Variants in OPCML observed in about 807,000 individuals in gnomAD.
OPCML encodes the protein opioid-binding protein/cell adhesion molecule.
In OPCML, 13 loss-of-function variants were observed where a neutral mutation model predicts 37.8. The observed-to-expected ratio is 0.34, with a 90% confidence interval of 0.22 to 0.55. The LOEUF (loss-of-function observed/expected upper bound fraction) is 0.55, where lower values mean the gene tolerates loss of function less well. Among genes scored for constraint, OPCML ranks in the 20% least tolerant of loss-of-function variants. The pLI, the probability that OPCML is intolerant of heterozygous loss-of-function variation, is 0.91. For missense variants in OPCML, 341 were observed against 435.6 expected, an observed-to-expected ratio of 0.78 and a Z score of 1.93; for synonymous variants, 176 against 168.8, an observed-to-expected ratio of 1.04 and a Z score of -0.33.
At chr11:132,793,564 G>A (rs1188491575) in intron 2 of OPCML, among the ~76,000 whole-genome samples, 1 of 152,152 alleles carries the variant, frequency 6.6e-6, no homozygotes, top group African/African-American at 2.4e-5. Context: ...GGGCCAGAGA[G>A]ATACAATCCC....
intron 2 of OPCML, among the ~76,000 whole-genome samples, chr11:132,880,187 A>T (rs1298487984): frequency 6.6e-6 from 1 of 152,208 alleles, no homozygotes; most frequent in African/African-American, 2.4e-5. Flanking sequence ...AGCCAGGAAG[A>T]ACATGAAATT....
intron 3 of OPCML, among the ~76,000 whole-genome samples, chr11:132,638,377 G>C (rs758825396): frequency 6.6e-6 from 1 of 152,012 alleles, no homozygotes; most frequent in Non-Finnish European, 1.5e-5. Context: ...TATGTCAAGA[G>C]AGAATTATAT....
chr11:132,558,495 C>G (rs1490735128), intron 3 of OPCML, among the ~76,000 whole-genome samples: 1 of 116,310 alleles, frequency 8.6e-6, no homozygotes, highest in East Asian at 2.5e-4. Flanking sequence ...CTCCTCCTCC[C>G]CTCCTCCCCC....
intron 2 of OPCML, among the ~76,000 whole-genome samples, chr11:132,919,725 C>A (rs1944726209): frequency 6.6e-6 from 1 of 152,140 alleles, no homozygotes; most frequent in Admixed American, 6.5e-5. Flanking sequence ...TGTCTCCTCA[C>A]CTCGGAATTA....
At chr11:133,475,836 T>C (rs1431847642) in intron 1 of OPCML, among the ~76,000 whole-genome samples, 1 of 152,192 alleles carries the variant, frequency 6.6e-6, no homozygotes, top group Non-Finnish European at 1.5e-5. Flanking sequence ...CCTGAGATCA[T>C]TCCTACGGGA....
intron 4 of OPCML, among the ~76,000 whole-genome samples, chr11:132,471,781 A>G (rs1344634332): frequency 2.0e-5 from 3 of 152,196 alleles, no homozygotes; most frequent in Non-Finnish European, 4.4e-5. Flanking sequence ...AATTTTATTA[A>G]GGATAGCCAC....
At chr11:132,558,069 A>C (rs1287467822) in intron 3 of OPCML, among the ~76,000 whole-genome samples, 2 of 152,002 alleles carry the variant, frequency 1.3e-5, no homozygotes, top group Non-Finnish European at 2.9e-5. Context: ...AGATGCATTG[A>C]AGAGTGGGTA....
At chr11:132,605,374 G>A (rs1938214865) in intron 3 of OPCML, among the ~76,000 whole-genome samples, 1 of 151,462 alleles carries the variant, frequency 6.6e-6, no homozygotes, top group Non-Finnish European at 1.5e-5. Context: ...TGACCAACAT[G>A]GTGAAACCTC....
chr11:132,420,222 G>C lies in OPCML; in HGVS notation c.988C>G (p.Leu330Val). The C allele has an allele frequency of 6.2e-7, 1 of 1,613,924 alleles. No homozygotes were observed. Among genetic ancestry groups the C allele is most frequent in the Non-Finnish European group, 8.5e-7 (1 of 1,179,868 alleles). The change falls in exon 8 of 8, where the codon CTC becomes GTC. Residue 330 changes from leucine to valine, a missense_variant. Coordinates refer to ENST00000524381, the MANE Select transcript of OPCML (RefSeq NM_001012393.5). ...ALACLWLSGTLLAHFFIKF is the reference protein window; with the variant it reads ...ALACLWLSGTVLAHFFIKF ...AACTTGATGAAGAAGTGGGCTAAGA[G>C]GGTCCCTGATAGCCAGAGACAAGCC... is the stretch of plus-strand genomic sequence containing the variant.
chr11:132,846,290 C>G (rs1384756940), intron 2 of OPCML, among the ~76,000 whole-genome samples: 2 of 152,156 alleles, frequency 1.3e-5, no homozygotes, highest in African/African-American at 4.8e-5. Flanking sequence ...CTGAGCGCCC[C>G]CACTCGGGAC....
At chr11:133,221,193 G>C (rs1939806738) in intron 1 of OPCML, among the ~76,000 whole-genome samples, 1 of 152,150 alleles carries the variant, frequency 6.6e-6, no homozygotes, top group African/African-American at 2.4e-5. Context: ...TTGGGACAGA[G>C]CCGGCCACCG....
intron 1 of OPCML, among the ~76,000 whole-genome samples, chr11:133,202,049 A>C (rs2136321189): frequency 6.6e-6 from 1 of 152,336 alleles, no homozygotes; most frequent in African/African-American, 2.4e-5. Flanking sequence ...AACACACATA[A>C]AAAATAATTC....
At chr11:132,977,094 A>G (rs1305489185) in intron 1 of OPCML, among the ~76,000 whole-genome samples, 4 of 152,228 alleles carry the variant, frequency 2.6e-5, no homozygotes, top group South Asian at 2.1e-4. Context: ...CATTTATAGA[A>G]GTGGGATCAT....
At chr11:132,819,803 T>C in intron 2 of OPCML, among the ~76,000 whole-genome samples, 1 of 152,192 alleles carries the variant, frequency 6.6e-6, no homozygotes, top group Admixed American at 6.5e-5. Context: ...TCACTTTAAG[T>C]ATACTTTTCT....
chr11:133,020,118 T>C (rs1454294582), intron 1 of OPCML, among the ~76,000 whole-genome samples: 1 of 152,226 alleles, frequency 6.6e-6, no homozygotes, highest in Non-Finnish European at 1.5e-5. Flanking sequence ...GAGTGGCTGC[T>C]GCCATTACAA....
At chr11:132,861,069 C>A (rs1295948589) in intron 2 of OPCML, among the ~76,000 whole-genome samples, 1 of 152,232 alleles carries the variant, frequency 6.6e-6, no homozygotes, top group Non-Finnish European at 1.5e-5. Flanking sequence ...TTTAATCCCA[C>A]CAACTGTCTC....
chr11:133,476,737 G>A (rs1450567602), intron 1 of OPCML, among the ~76,000 whole-genome samples: 4 of 152,162 alleles, frequency 2.6e-5, no homozygotes, highest in Non-Finnish European at 4.4e-5. Flanking sequence ...CGAGGAGAAC[G>A]GCAAGACAGG....
chr11:132,822,056 A>G (rs576151278), intron 2 of OPCML, among the ~76,000 whole-genome samples: 14 of 152,326 alleles, frequency 9.2e-5, no homozygotes, highest in African/African-American at 3.1e-4. Context: ...CTTGTCTCTT[A>G]CTTGCCTTCC....
chr11:133,232,300 G>A (rs939274163), intron 1 of OPCML, among the ~76,000 whole-genome samples: 57 of 152,300 alleles, frequency 3.7e-4, no homozygotes, highest in Middle Eastern at 3.4e-3. Flanking sequence ...TAGAGAAAGC[G>A]CAGAGTTTAG....
Sources: allele counts gnomAD v4.1 joint callset (sites outside exome capture counted in the v4.1 genomes callset), GRCh38; gene constraint gnomAD v4.1.1; transcripts MANE v1.5; gene names NCBI Gene and HGNC (gene_info 2026-07-23, HGNC 2026-07-21).